SGCZ: variants seen among roughly 807,000 people sequenced by gnomAD.
SGCZ encodes sarcoglycan zeta, also known as zeta-sarcoglycan.
In SGCZ, 40 loss-of-function variants were observed where a neutral mutation model predicts 41.3. The observed-to-expected ratio is 0.97, with a 90% CI of 0.75 to 1.26. SGCZ has a LOEUF of 1.26. SGCZ is among the 50% of genes most tolerant of loss of function. The pLI is 0.00. For missense variants in SGCZ, 552 were observed against 369.8 expected, an observed-to-expected ratio of 1.49 and a Z score of -4.04; for synonymous variants, 206 against 137.5, an observed-to-expected ratio of 1.50 and a Z score of -3.49.
At chr8:14,644,015 A>AT (rs35332534) in intron 1 of SGCZ, among the ~76,000 whole-genome samples, 31,221 of 151,574 alleles carry the variant, frequency 0.21, 3,869 homozygotes, top group Non-Finnish European at 0.29. Context: ...ACCTGGTAGT[A>AT]TTTTACATGT....
chr8:14,134,398 T>C (rs570012105), intron 5 of SGCZ, among the ~76,000 whole-genome samples: 3 of 152,318 alleles, frequency 2.0e-5, no homozygotes, highest in Admixed American at 2.0e-4. Flanking sequence ...AGTAATTCTA[T>C]ACTATGAAGG....
intron 1 of SGCZ, among the ~76,000 whole-genome samples, chr8:15,121,335 G>C (rs1807469459): frequency 6.6e-6 from 1 of 152,038 alleles, no homozygotes; most frequent in African/African-American, 2.4e-5. Context: ...ATTTCTTTTA[G>C]GCCCAGCTAG....
intron 1 of SGCZ, among the ~76,000 whole-genome samples, chr8:14,743,832 A>G (rs976303702): frequency 6.6e-6 from 1 of 152,186 alleles, no homozygotes. Context: ...GTACTAAAAA[A>G]GTGAAAACTA....
intron 1 of SGCZ, among the ~76,000 whole-genome samples, chr8:15,092,036 A>T (rs1806172881): frequency 6.6e-6 from 1 of 152,134 alleles, no homozygotes; most frequent in South Asian, 2.1e-4. Flanking sequence ...TTATAGGATG[A>T]GGCACCGTGC....
At chr8:14,819,339 C>T (rs191581773) in intron 1 of SGCZ, among the ~76,000 whole-genome samples, 179 of 152,150 alleles carry the variant, frequency 1.2e-3, no homozygotes, top group African/African-American at 4.2e-3. Context: ...TTACGACGGA[C>T]AGTTTTCCTG....
At chr8:14,630,575 A>C (rs1005474542) in intron 1 of SGCZ, among the ~76,000 whole-genome samples, 5 of 152,054 alleles carry the variant, frequency 3.3e-5, no homozygotes, top group African/African-American at 9.7e-5. Flanking sequence ...ATGCACACGT[A>C]TGTTTATTGC....
chr8:14,432,169 C>A (rs531946013), intron 2 of SGCZ, among the ~76,000 whole-genome samples: 1 of 152,292 alleles, frequency 6.6e-6, no homozygotes, highest in African/African-American at 2.4e-5. Context: ...ATCCAGCAAT[C>A]CCACTACTGG....
At chr8:14,844,227 A>G (rs549647194) in intron 1 of SGCZ, among the ~76,000 whole-genome samples, 2 of 152,120 alleles carry the variant, frequency 1.3e-5, no homozygotes, top group African/African-American at 2.4e-5. Context: ...CTGTAAGCAT[A>G]TAAGTGCTAT....
chr8:14,301,060 AATCATCATC>A lies in SGCZ; in HGVS notation c.336+23034_336+23042del, dbSNP rs58825148. 9.5e-5 allele frequency among the ~76,000 whole-genome samples: 14 copies of A among 148,018 alleles called. No individual in the cohort carries two copies. The East Asian group carries it at 1.4e-3, about 15-fold the overall frequency. ...GAGAATTGACTTAGAAACACAAGAA[AATCATCATC>A]ATCATCATCATCATCATCATCATCA... On this transcript the variant is annotated intron_variant, in intron 3 of 7. Transcript: ENST00000382080.
At position 14,472,117 on chromosome 8, in the gene SGCZ, A is replaced by T. The variant is rs557905694; in HGVS notation, c.234+82615T>A. ...GGTTTTTGCAATTCAGCATTTGATC[A>T]TAGGTCTTACTATATGAATTTTAAG... On this transcript the variant is annotated intron_variant, in intron 2 of 7. Transcript: ENST00000382080. Among the ~76,000 whole-genome samples, 44 of 152,206 alleles carry T rather than the reference A, an allele frequency of 2.9e-4. 1 individual carries two copies. In the South Asian group the frequency reaches 9.1e-3, roughly 32 times the overall value.
At chr8:14,365,880 G>A (rs1412127964) in intron 2 of SGCZ, among the ~76,000 whole-genome samples, 1 of 151,952 alleles carries the variant, frequency 6.6e-6, no homozygotes, top group African/African-American at 2.4e-5. Context: ...TTTGATACCT[G>A]ATACTGCTGT....
intron 1 of SGCZ, among the ~76,000 whole-genome samples, chr8:14,583,663 A>G (rs1804968206): frequency 6.6e-6 from 1 of 152,290 alleles, no homozygotes; most frequent in African/African-American, 2.4e-5. Context: ...TCTTTAATCC[A>G]TCTTGAATCC....
chr8:14,894,074 TTTAA>T (rs1367024080), intron 1 of SGCZ, among the ~76,000 whole-genome samples: 3 of 152,162 alleles, frequency 2.0e-5, no homozygotes, highest in African/African-American at 7.2e-5. Context: ...ATAAGAAATA[TTTAA>T]TTAATTGGCA....
chr8:14,092,658 G>C (rs1044820082), intron 7 of SGCZ, among the ~76,000 whole-genome samples: 2 of 151,896 alleles, frequency 1.3e-5, no homozygotes, highest in African/African-American at 2.4e-5. Context: ...TTTATAAGGG[G>C]GAAACCCCTT....
intron 2 of SGCZ, among the ~76,000 whole-genome samples, chr8:14,432,969 T>C (rs1799988297): frequency 6.9e-6 from 1 of 145,122 alleles, no homozygotes; most frequent in South Asian, 2.2e-4. Context: ...AAACACCACC[T>C]GTTCTCCAAT....
chr8:14,322,796 G>T (rs1038479778), intron 3 of SGCZ, among the ~76,000 whole-genome samples: 1 of 151,990 alleles, frequency 6.6e-6, no homozygotes, highest in African/African-American at 2.4e-5. Context: ...TTCAAATACT[G>T]CATTATTTAA....
intron 2 of SGCZ, among the ~76,000 whole-genome samples, chr8:14,371,048 T>C (rs1803891352): frequency 6.6e-6 from 1 of 151,984 alleles, no homozygotes; most frequent in Non-Finnish European, 1.5e-5. Context: ...TTTTACCCTA[T>C]AAAAGCCAAT....
At chr8:14,126,454 T>A (rs979642344) in intron 5 of SGCZ, among the ~76,000 whole-genome samples, 34 of 127,206 alleles carry the variant, frequency 2.7e-4, no homozygotes, top group African/African-American at 1.0e-3. Context: ...TCAGAATGGC[T>A]ATTATTAAAA....
At chr8:15,073,956 A>G (rs11203677) in intron 1 of SGCZ, among the ~76,000 whole-genome samples, 151,976 of 152,314 alleles carry the variant, frequency 1, 75,820 homozygotes, top group East Asian at 1. Context: ...AACTATGGGA[A>G]GAATTTAGTT....
Sources: gnomAD v4.1 joint callset for allele counts (sites outside exome capture counted in the v4.1 genomes callset) on GRCh38, gnomAD v4.1.1 for gene constraint, MANE v1.5 for transcripts, NCBI Gene and HGNC (gene_info 2026-07-23, HGNC 2026-07-21) for gene names.